TGFA: variants seen among roughly 807,000 people sequenced by gnomAD.
TGFA encodes the protein protransforming growth factor alpha.
In TGFA, 12 loss-of-function variants were observed where a neutral mutation model predicts 21.7. That is an observed-to-expected ratio of 0.55 (90% CI 0.35 to 0.90). The LOEUF is 0.90. TGFA is among the 40% of genes least tolerant of loss of function. TGFA has a pLI of 0.01. For synonymous variants in TGFA, 79 were observed against 88.1 expected, an observed-to-expected ratio of 0.90 and a Z score of 0.58; for missense variants, 178 against 210.8, an observed-to-expected ratio of 0.84 and a Z score of 0.96.
At chr2:70,545,050 T>C (rs537523316) in intron 1 of TGFA, among the ~76,000 whole-genome samples, 58 of 152,302 alleles carry the variant, frequency 3.8e-4, no homozygotes, top group African/African-American at 1.4e-3. Context: ...GGATAAATGC[T>C]TGAGGTCACA....
chr2:70,514,575 C>G (rs538616687), intron 2 of TGFA, among the ~76,000 whole-genome samples: 1 of 152,238 alleles, frequency 6.6e-6, no homozygotes, highest in Admixed American at 6.5e-5. Context: ...TGGGGTCCTG[C>G]AGGCCCTGTT....
chr2:70,455,018 A>T, intron 4 of TGFA, among the ~76,000 whole-genome samples: 1 of 152,160 alleles, frequency 6.6e-6, no homozygotes, highest in East Asian at 1.9e-4. Context: ...GCAGCCCACT[A>T]GCTTGCTCCT....
At chr2:70,455,961 G>A (rs1454103655) in intron 4 of TGFA, among the ~76,000 whole-genome samples, 5 of 152,248 alleles carry the variant, frequency 3.3e-5, no homozygotes, top group Non-Finnish European at 7.3e-5. Context: ...GACTTCTGCA[G>A]AGAGGAAGTA....
chr2:70,470,867 C>T (rs1266914795), intron 2 of TGFA, among the ~76,000 whole-genome samples: 2 of 152,160 alleles, frequency 1.3e-5, no homozygotes, highest in African/African-American at 4.8e-5. Context: ...AACCCTTTTC[C>T]TGACTACAAC....
At chr2:70,472,397 G>T (rs782353771) in intron 2 of TGFA, among the ~76,000 whole-genome samples, 14 of 152,146 alleles carry the variant, frequency 9.2e-5, no homozygotes, top group African/African-American at 1.9e-4. Context: ...TTTATGAGAG[G>T]CCCCTCCAGC....
chr2:70,476,972 G>T (rs782285814), intron 2 of TGFA, among the ~76,000 whole-genome samples: 1 of 152,054 alleles, frequency 6.6e-6, no homozygotes, highest in Non-Finnish European at 1.5e-5. Flanking sequence ...GAGAGTGGTC[G>T]AATTATACGC....
At chr2:70,487,677 A>G (rs1353110075) in intron 2 of TGFA, among the ~76,000 whole-genome samples, 1 of 152,178 alleles carries the variant, frequency 6.6e-6, no homozygotes, top group East Asian at 1.9e-4. Flanking sequence ...GGACATGGTA[A>G]TCTTTGATGG....
At chr2:70,541,766 T>C (rs1673137207) in intron 1 of TGFA, among the ~76,000 whole-genome samples, 1 of 152,148 alleles carries the variant, frequency 6.6e-6, no homozygotes, top group Non-Finnish European at 1.5e-5. Context: ...ATCTGTGTGA[T>C]CTATGAGTTT....
At chr2:70,514,749 C>T (rs886255823) in intron 2 of TGFA, 110 bp downstream of exon 2, 57 of 1,157,904 alleles carry the variant, frequency 4.9e-5, no homozygotes, top group Admixed American at 9.8e-5. Context: ...CCGGGACAGG[C>T]GTGTGCTCGG....
In TGFA at chr2:70,450,007, T is replaced by C. The variant is rs1458921723; in HGVS notation, c.*852A>G. On this transcript the variant is annotated 3_prime_UTR_variant, in exon 6 of 6. Coordinates refer to ENST00000295400, the MANE Select transcript of TGFA (RefSeq NM_003236.4). ...TGAGGCATTTACCGGCTTTGTGGCT[T>C]CAATGGCACCATTTCTGAACCCCTA... 2 of 152,276 alleles carry C rather than the reference T, an allele frequency of 1.3e-5. No individual in the cohort carries two copies. The highest frequency in any genetic ancestry group is 4.8e-5 in the African/African-American group (2 of 41,428). The allele number at this position is 152,276 out of a possible 1,614,324, so 9.4% of individuals were successfully genotyped here.
intron 1 of TGFA, among the ~76,000 whole-genome samples, chr2:70,517,848 C>T (rs1203792780): frequency 1.3e-5 from 2 of 152,272 alleles, no homozygotes; most frequent in Admixed American, 6.5e-5. Context: ...CATGCATTGC[C>T]TCTTGGGGAT....
At chr2:70,476,107 ATT>A (rs1368058808) in intron 2 of TGFA, among the ~76,000 whole-genome samples, 3,480 of 138,034 alleles carry the variant, frequency 0.025, 172 homozygotes, top group African/African-American at 0.057. Context: ...AAAAAAAAAA[ATT>A]AAGAAAATTA....
chr2:70,553,283 A>G, intron 1 of TGFA: 1 of 1,534,236 alleles, frequency 6.5e-7, no homozygotes, highest in South Asian at 1.2e-5. Context: ...AGGGGGTGCC[A>G]AAGGGGCGCA....
At chr2:70,512,972 G>A (rs1672151533) in intron 2 of TGFA, among the ~76,000 whole-genome samples, 2 of 152,176 alleles carry the variant, frequency 1.3e-5, no homozygotes, top group Admixed American at 6.5e-5. Context: ...GGAAACTAGG[G>A]ATAGAGGCCT....
chr2:70,542,800 A>G lies in TGFA; in HGVS notation c.40+10928T>C, dbSNP rs572845582. Among the ~76,000 whole-genome samples, 222 of 152,348 alleles carry G rather than the reference A, an allele frequency of 1.5e-3. 1 individual carries two copies. The highest frequency in any genetic ancestry group is 5.1e-3 in the African/African-American group (211 of 41,586). ...AAGGTTATTTACCTGGTCTTATGGGAACACTGTTACTTATGAAACTTTTCC... is the reference window on the plus strand; with the variant it reads ...AAGGTTATTTACCTGGTCTTATGGGGACACTGTTACTTATGAAACTTTTCC... On this transcript the variant is annotated intron_variant, in intron 1 of 5. Transcript: ENST00000295400.
intron 1 of TGFA, among the ~76,000 whole-genome samples, chr2:70,537,125 C>T (rs1390308782): frequency 1.3e-5 from 2 of 151,394 alleles, no homozygotes; most frequent in Non-Finnish European, 2.9e-5. Context: ...GTTATGGTGA[C>T]AGGTGCTCAG....
At chr2:70,553,685 G>A in intron 1 of TGFA, 43 bp downstream of exon 1, 1 of 1,333,968 alleles carries the variant, frequency 7.5e-7, no homozygotes, top group Non-Finnish European at 9.6e-7. Flanking sequence ...GGGGGAAGCA[G>A]GGTGTCGCGC....
At chr2:70,523,761 C>T (rs1370470060) in intron 1 of TGFA, among the ~76,000 whole-genome samples, 4 of 152,148 alleles carry the variant, frequency 2.6e-5, no homozygotes, top group African/African-American at 9.7e-5. Context: ...TTTAGGAGAG[C>T]TGGTTACTAT....
At chr2:70,544,022 G>T (rs1452845244) in intron 1 of TGFA, among the ~76,000 whole-genome samples, 2 of 151,926 alleles carry the variant, frequency 1.3e-5, no homozygotes, top group Admixed American at 6.6e-5. Flanking sequence ...ACATTTGAGG[G>T]AAAAAACCCA....
Sources: gnomAD v4.1 joint callset for allele counts (sites outside exome capture counted in the v4.1 genomes callset) on GRCh38, gnomAD v4.1.1 for gene constraint, MANE v1.5 for transcripts, NCBI Gene and HGNC (gene_info 2026-07-23, HGNC 2026-07-21) for gene names.